The following FGF12 variants were observed in gnomAD, a reference collection of about 807,000 sequenced individuals.
FGF12 encodes fibroblast growth factor 12B.
A neutral mutation model predicts 23.6 loss-of-function variants in FGF12; 14 were observed. That is an observed-to-expected ratio of 0.59 (90% CI 0.39 to 0.93). FGF12 has a LOEUF of 0.93. Ranked by LOEUF, FGF12 falls within the 40% of genes least tolerant of loss-of-function variation. FGF12 has a pLI of 0.00. For synonymous variants in FGF12, 62 were observed against 77.3 expected, an observed-to-expected ratio of 0.80 and a Z score of 1.04; for missense variants, 175 against 217.8, an observed-to-expected ratio of 0.80 and a Z score of 1.24.
intron 2 of FGF12, among the ~76,000 whole-genome samples, chr3:192,558,451 G>C (rs1269791392): frequency 6.6e-6 from 1 of 151,638 alleles, no homozygotes; most frequent in African/African-American, 2.4e-5. Flanking sequence ...TTAATGGAAG[G>C]ACATCCCATG....
At chr3:192,592,057 A>G (rs1159208771) in intron 2 of FGF12, among the ~76,000 whole-genome samples, 13 of 151,096 alleles carry the variant, frequency 8.6e-5, no homozygotes, top group East Asian at 1.9e-4. Context: ...AGGCAGGGGG[A>G]AAAAAAAATC....
At chr3:192,297,518 A>G (rs551252837) in intron 4 of FGF12, among the ~76,000 whole-genome samples, 1 of 152,348 alleles carries the variant, frequency 6.6e-6, no homozygotes, top group African/African-American at 2.4e-5. Context: ...TAATACGTCA[A>G]TGCAGGCTTT....
At chr3:192,505,311 C>T (rs568679433) in intron 2 of FGF12, among the ~76,000 whole-genome samples, 150 of 152,278 alleles carry the variant, frequency 9.9e-4, no homozygotes, top group African/African-American at 3.4e-3. Context: ...GCCTCATTCC[C>T]GCTGCTTCAG....
rs572793975 is a variant in FGF12 at position 192,361,322 on chromosome 3, AAT to A, written c.14-786_14-785del. 1.1e-4 allele frequency among the ~76,000 whole-genome samples: 17 copies of A among 152,276 alleles called. No homozygotes were observed. In the East Asian group the frequency reaches 3.3e-3, roughly 29 times the overall value. The stretch of plus-strand genomic sequence containing the variant: ...GAATTTTTGTGCATCAGCTAATATA[AAT>A]ATTTAAAGCTTTCTCATCGCAGTGC... On this transcript the variant is annotated intron_variant, in intron 2 of 5. Transcript: ENST00000445105.
At chr3:192,684,220 C>T (rs897762674) in intron 2 of FGF12, among the ~76,000 whole-genome samples, 8 of 152,300 alleles carry the variant, frequency 5.3e-5, no homozygotes, top group Middle Eastern at 3.4e-3. Flanking sequence ...TGCTTTTCCC[C>T]AAAGGTCACC....
chr3:192,724,069 A>G lies in FGF12; in HGVS notation c.13+3112T>C, dbSNP rs1719131394. On this transcript the variant is annotated intron_variant, in intron 2 of 5. Coordinates refer to ENST00000445105, the MANE Select transcript of FGF12 (RefSeq NM_004113.6). ...AGGGAAAGGGAGGGAAGAGGGAAAG[A>G]AGGAAGGAAGAAAGGAAGGAAGGAA... Among the ~76,000 whole-genome samples the G allele has an allele frequency of 3.1e-5, 4 of 128,110 alleles. No homozygotes were observed. In the Admixed American group the frequency reaches 3.4e-4, roughly 11 times the overall value. 84.0% of individuals were successfully genotyped at this position (128,110 alleles called of 152,430 possible).
intron 4 of FGF12, among the ~76,000 whole-genome samples, chr3:192,325,208 C>T (rs547982466): frequency 6.6e-6 from 1 of 151,916 alleles, no homozygotes; most frequent in African/African-American, 2.4e-5. Flanking sequence ...AAAAAATTTC[C>T]AGTTCATTTA....
At chr3:192,411,778 G>C (rs1047240899) in intron 2 of FGF12, among the ~76,000 whole-genome samples, 5 of 152,200 alleles carry the variant, frequency 3.3e-5, no homozygotes, top group African/African-American at 1.2e-4. Context: ...GGAGTAGCCA[G>C]AGAAATAGGC....
intron 2 of FGF12, among the ~76,000 whole-genome samples, chr3:192,470,427 T>A (rs901065467): frequency 2.0e-5 from 3 of 152,224 alleles, no homozygotes; most frequent in African/African-American, 7.2e-5. Context: ...TCACTCTGTC[T>A]GCCTAGGCTG....
At chr3:192,403,876 T>G (rs965286527) in intron 2 of FGF12, among the ~76,000 whole-genome samples, 12 of 152,234 alleles carry the variant, frequency 7.9e-5, no homozygotes, top group Non-Finnish European at 1.2e-4. Context: ...GTTGAATGAG[T>G]ATACTGTTAA....
rs9880807 is a variant in FGF12 at position 192,219,354 on chromosome 3, G to T, written c.229-48698C>A. Among the ~76,000 whole-genome samples, 38 of 152,002 alleles carry T rather than the reference G, an allele frequency of 2.5e-4. 1 individual carries two copies. Among genetic ancestry groups the T allele is most frequent in the African/African-American group, 8.4e-4 (35 of 41,430 alleles). The stretch of plus-strand genomic sequence containing the variant: ...CCCACCTTGGCCTCCCAAAGTGCTG[G>T]GATTACAGATGTGAGCCACTGCGCC... On this transcript the variant is annotated intron_variant, in intron 4 of 5. Transcript: ENST00000445105.
chr3:192,510,490 G>A (rs1021961725), intron 2 of FGF12, among the ~76,000 whole-genome samples: 1 of 152,148 alleles, frequency 6.6e-6, no homozygotes, highest in Non-Finnish European at 1.5e-5. Context: ...CAAAAATGTG[G>A]AGCACCAGGA....
intron 4 of FGF12, chr3:192,282,868 C>G (rs1447676153): frequency 6.6e-6 from 1 of 152,058 alleles, no homozygotes; most frequent in African/African-American, 2.4e-5. Context: ...GATGTGATTA[C>G]TCAGGAAGAG....
intron 2 of FGF12, among the ~76,000 whole-genome samples, chr3:192,374,330 T>C (rs1031753062): frequency 2.9e-4 from 44 of 152,326 alleles, no homozygotes; most frequent in African/African-American, 1.0e-3. Flanking sequence ...ATCACCTGTG[T>C]AGTCATAAAT....
chr3:192,399,236 G>C (rs1377915137), intron 2 of FGF12, among the ~76,000 whole-genome samples: 1 of 152,100 alleles, frequency 6.6e-6, no homozygotes, highest in African/African-American at 2.4e-5. Flanking sequence ...TTTGAGAAGT[G>C]ATTAGGTCAT....
intron 2 of FGF12, among the ~76,000 whole-genome samples, chr3:192,430,880 T>A (rs187949564): frequency 6.6e-6 from 1 of 152,280 alleles, no homozygotes; most frequent in East Asian, 1.9e-4. Context: ...GGAGCATAAT[T>A]GTTATTGGAA....
intron 2 of FGF12, among the ~76,000 whole-genome samples, chr3:192,639,670 T>A (rs569012856): frequency 2.0e-5 from 3 of 152,346 alleles, no homozygotes; most frequent in South Asian, 4.1e-4. Context: ...AAAAACTGCA[T>A]CTGTACTGAA....
rs1443747825 is a variant in FGF12 at position 192,140,673 on chromosome 3, T to C, written c.*3336A>G. The C allele has an allele frequency of 1.3e-5, 2 of 152,054 alleles. No individual in the cohort carries two copies. Among genetic ancestry groups the C allele is most frequent in the African/African-American group, 4.8e-5 (2 of 41,452 alleles). The allele number at this position is 152,054 out of a possible 1,614,324, so 9.4% of individuals were successfully genotyped here. On this transcript the variant is annotated 3_prime_UTR_variant, in exon 6 of 6. Coordinates refer to ENST00000445105, the MANE Select transcript of FGF12 (RefSeq NM_004113.6). ...ATTTTATTAAACAGAAGAGTCTTAG[T>C]TCTTTTAAACAAGCTTTCTGAATTA...
intron 4 of FGF12, among the ~76,000 whole-genome samples, chr3:192,189,505 C>G (rs200012318): frequency 2.0e-5 from 3 of 152,176 alleles, no homozygotes; most frequent in Non-Finnish European, 4.4e-5. Flanking sequence ...CCTATCCTCC[C>G]GGTACTTCAG....
Sources: gnomAD v4.1 joint callset for allele counts (sites outside exome capture counted in the v4.1 genomes callset) on GRCh38, gnomAD v4.1.1 for gene constraint, MANE v1.5 for transcripts, NCBI Gene and HGNC (gene_info 2026-07-23, HGNC 2026-07-21) for gene names.